Variants in IQGAP1 observed in about 807,000 individuals in gnomAD.
The protein encoded by IQGAP1 is ras GTPase-activating-like protein IQGAP1.
Under a neutral mutation model 215.6 loss-of-function variants are expected in IQGAP1, and 66 were observed. The observed-to-expected ratio is 0.31, with a 90% CI of 0.25 to 0.38. The LOEUF is 0.38. Ranked by LOEUF, IQGAP1 falls within the 10% of genes least tolerant of loss-of-function variation. The pLI is 1.00. For missense variants in IQGAP1, 1,712 were observed against 1,997.1 expected (o/e 0.86, Z 2.72); for synonymous variants, 772 against 728.7 (o/e 1.06, Z -0.96).
intron 2 of IQGAP1, among the ~76,000 whole-genome samples, chr15:90,421,440 C>T (rs1356846218): frequency 2.0e-5 from 3 of 148,074 alleles, no homozygotes; most frequent in Admixed American, 1.4e-4. Flanking sequence ...CATGCCACTG[C>T]ACTTCAGCCT....
chr15:90,402,075 A>T (rs8033512), intron 2 of IQGAP1, among the ~76,000 whole-genome samples: 23,380 of 152,158 alleles, frequency 0.15, 2,043 homozygotes, highest in South Asian at 0.23. Context: ...ACATTAAGTA[A>T]CTTGTGTAGT....
At chr15:90,495,965 C>A (rs964320338) in intron 36 of IQGAP1, among the ~76,000 whole-genome samples, 1 of 150,264 alleles carries the variant, frequency 6.7e-6, no homozygotes, top group Non-Finnish European at 1.5e-5. Context: ...TATTATAGGT[C>A]ATTATCTTCC....
rs1964854317 is a variant in IQGAP1 at position 90,404,768 on chromosome 15, A to G, written c.155+13895A>G. 3.9e-5 allele frequency among the ~76,000 whole-genome samples: 6 copies of G among 151,986 alleles called. No homozygotes were observed. The South Asian group carries it at 6.2e-4, about 16-fold the overall frequency. On this transcript the variant is annotated intron_variant, in intron 2 of 37. Coordinates refer to ENST00000268182, the MANE Select transcript of IQGAP1 (RefSeq NM_003870.4). ...TAATTTTTGTATTTTTTTAGTAGAG[A>G]CAGGGTTTTGCCATGTTGGCCAGGC...
At chr15:90,406,574 G>C (rs917042195) in intron 2 of IQGAP1, among the ~76,000 whole-genome samples, 5 of 152,226 alleles carry the variant, frequency 3.3e-5, no homozygotes, top group African/African-American at 1.2e-4. Flanking sequence ...ATGAGTTTAC[G>C]TTACGAATCG....
chr15:90,391,112 C>T, intron 2 of IQGAP1: 1 of 373,654 alleles, frequency 2.7e-6, no homozygotes, highest in East Asian at 5.7e-5. Context: ...GTGGTGCATG[C>T]CAGTAGTCCT....
intron 28 of IQGAP1, 51 bp downstream of exon 28, chr15:90,482,332 A>C (rs1431570564): frequency 6.4e-7 from 1 of 1,556,208 alleles, no homozygotes; most frequent in East Asian, 2.2e-5. Context: ...CAAAGCAATA[A>C]AACCAGGGCT....
intron 2 of IQGAP1, chr15:90,397,876 C>CTT: frequency 2.0e-5 from 1 of 50,496 alleles, no homozygotes; most frequent in Non-Finnish European, 3.4e-5. Context: ...TTTTTCTTTT[C>CTT]TTTTTTTTTT....
At chr15:90,407,544 C>T (rs1964896881) in intron 2 of IQGAP1, among the ~76,000 whole-genome samples, 2 of 152,142 alleles carry the variant, frequency 1.3e-5, no homozygotes, top group South Asian at 4.1e-4. Context: ...GTCTGAGCTG[C>T]TTTGGGAAAA....
intron 36 of IQGAP1, among the ~76,000 whole-genome samples, chr15:90,495,600 A>G (rs1022708659): frequency 1.3e-5 from 2 of 150,392 alleles, no homozygotes; most frequent in Admixed American, 1.3e-4. Flanking sequence ...TAACTACTTT[A>G]TATATAAATA....
chr15:90,412,360 T>C (rs1169212348), intron 2 of IQGAP1, among the ~76,000 whole-genome samples: 5 of 152,216 alleles, frequency 3.3e-5, no homozygotes, highest in Non-Finnish European at 7.3e-5. Context: ...ATACTTTCTT[T>C]AGTGTCTCCT....
At chr15:90,491,278 C>A in intron 33 of IQGAP1, 55 bp from the exon 34 acceptor site, 1 of 1,451,494 alleles carries the variant, frequency 6.9e-7, no homozygotes, top group South Asian at 1.2e-5. Context: ...TATATAAATT[C>A]AAGTTTAGGA....
At chr15:90,440,869 G>A (rs566219447) in intron 7 of IQGAP1, among the ~76,000 whole-genome samples, 4 of 152,314 alleles carry the variant, frequency 2.6e-5, no homozygotes, top group Admixed American at 2.6e-4. Context: ...AGCACTTCGG[G>A]AGGCCAAGGC....
chr15:90,390,104 A>G (rs551594314), intron 1 of IQGAP1, among the ~76,000 whole-genome samples: 1 of 152,310 alleles, frequency 6.6e-6, no homozygotes, highest in South Asian at 2.1e-4. Flanking sequence ...AGGGAAGAGG[A>G]GAGTTTCCAA....
intron 15 of IQGAP1, among the ~76,000 whole-genome samples, chr15:90,465,210 T>C (rs571894423): frequency 1.3e-5 from 2 of 152,382 alleles, no homozygotes; most frequent in African/African-American, 4.8e-5. Context: ...GACTTCTGGC[T>C]TTAAATGTGA....
At chr15:90,448,883 C>G in intron 10 of IQGAP1, 147 bp downstream of exon 10, 1 of 699,270 alleles carries the variant, frequency 1.4e-6, no homozygotes, top group Non-Finnish European at 2.1e-6. Context: ...AAAAAATCCT[C>G]AGGTAAAATA....
intron 2 of IQGAP1, among the ~76,000 whole-genome samples, chr15:90,395,489 T>A (rs1964703377): frequency 1.3e-5 from 2 of 151,990 alleles, no homozygotes; most frequent in Admixed American, 1.3e-4. Flanking sequence ...CCTGGCTAAT[T>A]TTTTGTATTT....
At chr15:90,492,450 T>G (rs1054516828) in intron 34 of IQGAP1, 95 bp from the exon 35 acceptor site, 83 of 710,914 alleles carry the variant, frequency 1.2e-4, no homozygotes, top group Non-Finnish European at 1.2e-4. Context: ...AAGTAGGTAG[T>G]CATATTTAAG....
intron 10 of IQGAP1, among the ~76,000 whole-genome samples, chr15:90,449,327 T>C (rs1404602189): frequency 6.6e-6 from 1 of 152,208 alleles, no homozygotes; most frequent in Non-Finnish European, 1.5e-5. Context: ...TTTGAGGCTT[T>C]TCATGTAATA....
intron 8 of IQGAP1, among the ~76,000 whole-genome samples, chr15:90,442,563 A>G (rs958273579): frequency 6.6e-6 from 1 of 152,198 alleles, no homozygotes; most frequent in Admixed American, 6.5e-5. Context: ...ATCATAGAGC[A>G]GGGATTTCAG....
Sources: allele counts gnomAD v4.1 joint callset (sites outside exome capture counted in the v4.1 genomes callset), GRCh38; gene constraint gnomAD v4.1.1; transcripts MANE v1.5; gene names NCBI Gene and HGNC (gene_info 2026-07-23, HGNC 2026-07-21).